SUGCT: variants seen among roughly 807,000 people sequenced by gnomAD.
The protein encoded by SUGCT is succinyl-CoA:glutarate CoA-transferase.
A neutral mutation model predicts 55.0 loss-of-function variants in SUGCT; 41 were observed. The observed-to-expected ratio is 0.74, with a 90% CI of 0.58 to 0.97. SUGCT has a LOEUF of 0.97. Ranked by LOEUF, SUGCT falls within the 50% of genes least tolerant of loss-of-function variation. The pLI is 0.00. For missense variants in SUGCT, 568 were observed against 547.8 expected (o/e 1.04, Z -0.37); for synonymous variants, 187 against 200.4 (o/e 0.93, Z 0.56).
intron 12 of SUGCT, among the ~76,000 whole-genome samples, chr7:40,661,944 A>G (rs1413346466): frequency 6.6e-6 from 1 of 152,198 alleles, no homozygotes; most frequent in Non-Finnish European, 1.5e-5. Context: ...TGTTCTCGCC[A>G]GCTCAGTCTG....
intron 12 of SUGCT, among the ~76,000 whole-genome samples, chr7:40,655,470 A>G (rs1323383007): frequency 1.3e-5 from 2 of 152,192 alleles, no homozygotes; most frequent in Non-Finnish European, 2.9e-5. Context: ...GCTACACTAA[A>G]CTTCATAGGA....
At chr7:40,608,260 G>A (rs1461610365) in intron 12 of SUGCT, among the ~76,000 whole-genome samples, 1 of 151,862 alleles carries the variant, frequency 6.6e-6, no homozygotes, top group African/African-American at 2.4e-5. Flanking sequence ...TTTTTAAGTG[G>A]GAAAAATGAA....
intron 12 of SUGCT, among the ~76,000 whole-genome samples, chr7:40,516,156 T>A (rs1405674811): frequency 6.6e-6 from 1 of 152,158 alleles, no homozygotes; most frequent in Non-Finnish European, 1.5e-5. Context: ...CGTTGTCTGC[T>A]TTGAAAAAAA....
intron 9 of SUGCT, among the ~76,000 whole-genome samples, chr7:40,365,340 T>C (rs1283544786): frequency 1.3e-5 from 2 of 151,854 alleles, no homozygotes; most frequent in African/African-American, 4.8e-5. Flanking sequence ...GCATTCCCTT[T>C]GAAAACTGGC....
intron 12 of SUGCT, among the ~76,000 whole-genome samples, chr7:40,719,239 C>T (rs552020144): frequency 1.2e-4 from 19 of 152,276 alleles, no homozygotes; most frequent in Non-Finnish European, 1.8e-4. Flanking sequence ...AACTGTCTGG[C>T]CATTCTTTTC....
intron 5 of SUGCT, among the ~76,000 whole-genome samples, chr7:40,192,969 GTT>G (rs1199959991): frequency 7.2e-6 from 1 of 138,072 alleles, no homozygotes. Flanking sequence ...TTGTAGTAGT[GTT>G]TTTTTTTTTT....
At chr7:40,783,231 C>T (rs1039187843) in intron 13 of SUGCT, among the ~76,000 whole-genome samples, 1 of 152,090 alleles carries the variant, frequency 6.6e-6, no homozygotes, top group African/African-American at 2.4e-5. Flanking sequence ...GGACATCGGA[C>T]TACTTTTTCC....
the SUGCT span, among the ~76,000 whole-genome samples, chr7:40,875,199 C>T: frequency 4.8e-4 from 73 of 152,326 alleles, no homozygotes; most frequent in African/African-American, 1.7e-3. Context: ...GCACCTGGCA[C>T]AGCATAGGAA....
intron 12 of SUGCT, among the ~76,000 whole-genome samples, chr7:40,628,145 A>G (rs982435372): frequency 4.6e-5 from 7 of 152,204 alleles, no homozygotes; most frequent in Non-Finnish European, 7.3e-5. Flanking sequence ...AGAGAGAGAG[A>G]CCATATCCAC....
intron 9 of SUGCT, among the ~76,000 whole-genome samples, chr7:40,422,585 A>G (rs1186889750): frequency 6.6e-6 from 1 of 152,012 alleles, no homozygotes; most frequent in African/African-American, 2.4e-5. Context: ...TGTAGTTTTT[A>G]CTCTTTCCAG....
At chr7:40,479,042 T>G (rs1790866682) in intron 11 of SUGCT, among the ~76,000 whole-genome samples, 1 of 151,134 alleles carries the variant, frequency 6.6e-6, no homozygotes, top group Non-Finnish European at 1.5e-5. Flanking sequence ...TGAATGATAG[T>G]CCACTGTGTG....
intron 9 of SUGCT, among the ~76,000 whole-genome samples, chr7:40,348,311 C>T (rs529807493): frequency 2.0e-5 from 3 of 152,284 alleles, no homozygotes; most frequent in African/African-American, 4.8e-5. Flanking sequence ...TTCTCATGGC[C>T]GGAGCTCTAG....
At chr7:40,359,330 G>T (rs182886738) in intron 9 of SUGCT, among the ~76,000 whole-genome samples, 3 of 152,146 alleles carry the variant, frequency 2.0e-5, no homozygotes, top group Non-Finnish European at 4.4e-5. Context: ...TAAGCCTCCC[G>T]AGTAGCTGGG....
chr7:40,485,857 T>C (rs1791312899), intron 11 of SUGCT, among the ~76,000 whole-genome samples: 1 of 152,214 alleles, frequency 6.6e-6, no homozygotes, highest in African/African-American at 2.4e-5. Flanking sequence ...ATACATTAGG[T>C]TGAACCATCT....
chr7:40,248,917 C>T (rs557802907), intron 7 of SUGCT, among the ~76,000 whole-genome samples: 10 of 147,026 alleles, frequency 6.8e-5, no homozygotes, highest in African/African-American at 2.5e-4. Flanking sequence ...CACGCACACA[C>T]ACACACACTC....
the SUGCT span, among the ~76,000 whole-genome samples, chr7:40,993,619 G>T: frequency 6.6e-6 from 1 of 152,166 alleles, no homozygotes; most frequent in Admixed American, 6.5e-5. Context: ...CTCCTTGATA[G>T]GAGGTAGGTA....
At chr7:40,424,012 G>GA (rs931828487) in intron 9 of SUGCT, among the ~76,000 whole-genome samples, 3 of 150,814 alleles carry the variant, frequency 2.0e-5, no homozygotes, top group Admixed American at 6.6e-5. Context: ...TTTTCAATAA[G>GA]AAAAAAAAAG....
At chr7:40,477,304 G>A (rs1441604030) in intron 11 of SUGCT, among the ~76,000 whole-genome samples, 4 of 152,116 alleles carry the variant, frequency 2.6e-5, no homozygotes, top group Non-Finnish European at 5.9e-5. Context: ...GACTAGTCTG[G>A]GTGGAGTTAG....
intron 8 of SUGCT, among the ~76,000 whole-genome samples, chr7:40,297,362 A>G (rs1377153937): frequency 6.6e-6 from 1 of 152,030 alleles, no homozygotes; most frequent in Admixed American, 6.6e-5. Context: ...GGTAATGTAC[A>G]TGTTAAAATA....
Sources: allele counts gnomAD v4.1 joint callset (sites outside exome capture counted in the v4.1 genomes callset), GRCh38; gene constraint gnomAD v4.1.1; transcripts MANE v1.5; gene names NCBI Gene and HGNC (gene_info 2026-07-23, HGNC 2026-07-21).